RNF144B: variants seen among roughly 807,000 people sequenced by gnomAD.
RNF144B encodes the protein E3 ubiquitin-protein ligase RNF144B.
RNF144B carries 25 observed loss-of-function variants against 40.2 expected under a neutral mutation model. That is an observed-to-expected ratio of 0.62 (90% CI 0.45 to 0.87). RNF144B has a LOEUF of 0.87. RNF144B is among the 40% of genes least tolerant of loss of function. The pLI is 0.00. For missense variants in RNF144B, 365 were observed against 373.7 expected (o/e 0.98, Z 0.19); for synonymous variants, 145 against 136.3 (o/e 1.06, Z -0.44).
chr6:18,464,861 A>G lies in RNF144B; in HGVS notation c.772-66A>G, dbSNP rs1260026313. 1.7e-5 allele frequency: 26 copies of G among 1,488,470 alleles called. No homozygotes were observed. Among genetic ancestry groups the G allele is most frequent in the Non-Finnish European group, 2.1e-5 (23 of 1,072,414 alleles). The allele number at this position is 1,488,470 out of a possible 1,614,324, so 92.2% of individuals were successfully genotyped here. On this transcript the variant is annotated intron_variant, in intron 7 of 7. Coordinates refer to ENST00000259939, the MANE Select transcript of RNF144B (RefSeq NM_182757.4). This position sits in a 1 kb window ranked among gnomAD's most constrained non-coding sequence, Gnocchi z 6.1. ...TTTGGCCCACAGCAGATAACAGTAT[A>G]GTTGGAATAAGTATACATATTGAAA...
rs1795071300 is a variant in RNF144B at position 18,412,675 on chromosome 6, C to T, written c.165+12976C>T. ...CTAGAAAATTCAGTTTTTTAAAATC[C>T]CATTTTCTGTATATTTCAGTTCATT... On this transcript the variant is annotated intron_variant, in intron 2 of 7. Coordinates refer to ENST00000259939, the MANE Select transcript of RNF144B (RefSeq NM_182757.4). The surrounding 1 kb of genome is among the most constrained non-coding windows in gnomAD (Gnocchi z 4.2). Among the ~76,000 whole-genome samples the T allele has an allele frequency of 6.6e-6, 1 of 152,006 alleles. No homozygotes were observed. The highest frequency in any genetic ancestry group is 1.5e-5 in the Non-Finnish European group (1 of 68,008).
chr6:18,465,240 G>A lies in RNF144B; in HGVS notation c.*173G>A, dbSNP rs1562062352. The A allele has an allele frequency of 1.6e-6, 1 of 635,220 alleles. No homozygotes were observed. The highest frequency in any genetic ancestry group is 2.8e-6 in the Non-Finnish European group (1 of 361,484). The allele number at this position is 635,220 out of a possible 1,614,324, so 39.3% of individuals were successfully genotyped here. ...CATCAGGAAAGGCCAAGTCCTGGGT[G>A]TGAGTGTTCCTGTGTAACAAGAACT... On this transcript the variant is annotated 3_prime_UTR_variant, in exon 8 of 8. Coordinates refer to ENST00000259939, the MANE Select transcript of RNF144B (RefSeq NM_182757.4).
intron 2 of RNF144B, among the ~76,000 whole-genome samples, chr6:18,409,561 C>CTTTTTTT (rs70974741): frequency 3.2e-5 from 3 of 93,260 alleles, no homozygotes; most frequent in African/African-American, 4.1e-5. Flanking sequence ...CTTGCATAAC[C>CTTTTTTT]TTTTTTTTTT....
intron 2 of RNF144B, among the ~76,000 whole-genome samples, chr6:18,415,331 G>C (rs1425664776): frequency 6.6e-6 from 1 of 152,154 alleles, no homozygotes; most frequent in Non-Finnish European, 1.5e-5. Flanking sequence ...CTGAAGGCTG[G>C]AAAGTCCAAT....
chr6:18,444,139 C>CAGA lies in RNF144B; in HGVS notation c.331+4395_331+4396insAGA, dbSNP rs1759026928. On this transcript the variant is annotated intron_variant, in intron 4 of 7. Coordinates refer to ENST00000259939, the MANE Select transcript of RNF144B (RefSeq NM_182757.4). This position sits in a 1 kb window ranked among gnomAD's most constrained non-coding sequence, Gnocchi z 4.3. ...TATTTGCTCAGCTTGTCCTTTATGTCTTTAAGTCTGACGGAAAATATTTTG... is the reference window on the plus strand; with the variant it reads ...TATTTGCTCAGCTTGTCCTTTATGTCAGATTTAAGTCTGACGGAAAATATTTTG... Among the ~76,000 whole-genome samples, 1 of 152,158 alleles carries CAGA rather than the reference C, an allele frequency of 6.6e-6. No homozygotes were observed. Among genetic ancestry groups the CAGA allele is most frequent in the African/African-American group, 2.4e-5 (1 of 41,448 alleles).
chr6:18,424,528 A>T (rs1363125968), intron 2 of RNF144B, among the ~76,000 whole-genome samples: 1 of 152,176 alleles, frequency 6.6e-6, no homozygotes, highest in Non-Finnish European at 1.5e-5. Flanking sequence ...CGTGGGTCAT[A>T]TAATATTGTG....
intron 2 of RNF144B, among the ~76,000 whole-genome samples, chr6:18,420,640 G>A (rs1349755280): frequency 6.6e-6 from 1 of 152,024 alleles, no homozygotes; most frequent in Non-Finnish European, 1.5e-5. Context: ...TGGGGAGCGG[G>A]GGAGGTTGCA....
chr6:18,432,287 G>A (rs569828729), intron 3 of RNF144B, among the ~76,000 whole-genome samples: 1 of 152,302 alleles, frequency 6.6e-6, no homozygotes, highest in South Asian at 2.1e-4. Context: ...TGACTCTACT[G>A]TTCCCTTGTA....
Position 18,447,422 on chromosome 6 carries a change from T to C in RNF144B, c.331+7678T>C, listed in dbSNP as rs1292907419. Among the ~76,000 whole-genome samples, 4 of 152,100 alleles carry C rather than the reference T, an allele frequency of 2.6e-5. No homozygotes were observed. The highest frequency in any genetic ancestry group is 9.7e-5 in the African/African-American group (4 of 41,422). On this transcript the variant is annotated intron_variant, in intron 4 of 7. Coordinates refer to ENST00000259939, the MANE Select transcript of RNF144B (RefSeq NM_182757.4). This position sits in a 1 kb window ranked among gnomAD's most constrained non-coding sequence, Gnocchi z 5.6. ...AGTGTTAGTCAAGGGCCTGATCCCA[T>C]AGATTATGAAGATGAAGTCTTAGTG...
chr6:18,421,838 G>A (rs1458303615), intron 2 of RNF144B, among the ~76,000 whole-genome samples: 2 of 152,048 alleles, frequency 1.3e-5, no homozygotes, highest in Non-Finnish European at 1.5e-5. Context: ...AGGCAGGGAA[G>A]GCTTCTGGAA....
rs755614809 is a variant in RNF144B, at chr6:18,457,117, T to C, written c.332-38T>C. ...AAGGTGAGAAAGACTCAAACATGAA[T>C]CGGGCAGACCATCACATTTTCTTTC... On this transcript the variant is annotated intron_variant, in intron 4 of 7. Coordinates refer to ENST00000259939, the MANE Select transcript of RNF144B (RefSeq NM_182757.4). This position sits in a 1 kb window ranked among gnomAD's most constrained non-coding sequence, Gnocchi z 5.1. 1.4e-6 allele frequency: 2 copies of C among 1,445,042 alleles called. No homozygotes were observed. Among genetic ancestry groups the C allele is most frequent in the Non-Finnish European group, 1.9e-6 (2 of 1,027,228 alleles). 89.5% of individuals were successfully genotyped at this position (1,445,042 alleles called of 1,614,324 possible). A position where few individuals can be genotyped will look rare whatever the true frequency, so the allele number is the denominator to read the frequency against.
In RNF144B at chr6:18,416,167, A is replaced by T. The variant is rs1795145827; in HGVS notation, c.166-11414A>T. ...ACTTTTCTGAGCATACTGTGTCATAAGATAGCACCTGGGCCAGAGGGATCT... is the reference window on the plus strand; with the variant it reads ...ACTTTTCTGAGCATACTGTGTCATATGATAGCACCTGGGCCAGAGGGATCT... On this transcript the variant is annotated intron_variant, in intron 2 of 7. Transcript: ENST00000259939. The surrounding 1 kb of genome is among the most constrained non-coding windows in gnomAD (Gnocchi z 5.5). Among the ~76,000 whole-genome samples the T allele has an allele frequency of 6.6e-6, 1 of 152,206 alleles. No homozygotes were observed. The highest frequency in any genetic ancestry group is 6.5e-5 in the Admixed American group (1 of 15,274).
chr6:18,452,716 CAA>C (rs1345837219), intron 4 of RNF144B, among the ~76,000 whole-genome samples: 2 of 152,002 alleles, frequency 1.3e-5, no homozygotes, highest in Non-Finnish European at 1.5e-5. Flanking sequence ...TGCCTTTACT[CAA>C]GAGTAACTGT....
At chr6:18,415,641 T>C (rs982712247) in intron 2 of RNF144B, among the ~76,000 whole-genome samples, 1 of 152,200 alleles carries the variant, frequency 6.6e-6, no homozygotes, top group Non-Finnish European at 1.5e-5. Context: ...TTTTGCTTGC[T>C]TTATCACATA....
Position 18,406,181 on chromosome 6 carries a change from A to G in RNF144B, c.165+6482A>G. On this transcript the variant is annotated intron_variant, in intron 2 of 7. Coordinates refer to ENST00000259939, the MANE Select transcript of RNF144B (RefSeq NM_182757.4). The surrounding 1 kb of genome is among the most constrained non-coding windows in gnomAD (Gnocchi z 4.2). Reference sequence around the variant, plus strand: ...GTATGAGACATAGATGCTAACAAGTAAATACAGAAGTCAGGTGATGGTTTG... The same window carrying G: ...GTATGAGACATAGATGCTAACAAGTGAATACAGAAGTCAGGTGATGGTTTG... 1 of 518,800 alleles carries G rather than the reference A, an allele frequency of 1.9e-6. No homozygotes were observed. The highest frequency in any genetic ancestry group is 1.4e-5 in the South Asian group (1 of 71,546). The allele number at this position is 518,800 out of a possible 1,614,324, so 32.1% of individuals were successfully genotyped here. A position where few individuals can be genotyped will look rare whatever the true frequency, so the allele number is the denominator to read the frequency against.
At chr6:18,439,013 T>A (rs1758888682) in intron 3 of RNF144B, among the ~76,000 whole-genome samples, 1 of 152,204 alleles carries the variant, frequency 6.6e-6, no homozygotes, top group Non-Finnish European at 1.5e-5. Context: ...TAATTTGAAA[T>A]GTCATTCAGT....
chr6:18,461,071 A>G (rs1759442868), intron 6 of RNF144B, among the ~76,000 whole-genome samples: 2 of 152,184 alleles, frequency 1.3e-5, no homozygotes, highest in African/African-American at 2.4e-5. Context: ...TGCAGTTAGC[A>G]TGTAATGTCA....
chr6:18,465,147 C>T lies in RNF144B; in HGVS notation c.*80C>T, dbSNP rs1759550217. The T allele has an allele frequency of 7.6e-6, 11 of 1,444,856 alleles. No individual in the cohort carries two copies. In the South Asian group the frequency reaches 1.3e-4, roughly 17 times the overall value. The allele number at this position is 1,444,856 out of a possible 1,614,324, so 89.5% of individuals were successfully genotyped here. ...ATAAAGCCCCATTTAGTGACCTTGCCTCCTTCTCCTTGCCAACTTTGAAAG... is the reference window on the plus strand; with the variant it reads ...ATAAAGCCCCATTTAGTGACCTTGCTTCCTTCTCCTTGCCAACTTTGAAAG... On this transcript the variant is annotated 3_prime_UTR_variant, in exon 8 of 8. Coordinates refer to ENST00000259939, the MANE Select transcript of RNF144B (RefSeq NM_182757.4).
rs765232972 is a variant in RNF144B at position 18,406,097 on chromosome 6, T to C, written c.165+6398T>C. 5.8e-6 allele frequency: 3 copies of C among 518,814 alleles called. No homozygotes were observed. The highest frequency in any genetic ancestry group is 1.9e-5 in the African/African-American group (1 of 51,938). The allele number at this position is 518,814 out of a possible 1,614,324, so 32.1% of individuals were successfully genotyped here. A position where few individuals can be genotyped will look rare whatever the true frequency, so the allele number is the denominator to read the frequency against. ...GCTGTGTCTTGCATAGTTCTGATGGTTTGAATATAGTGGTGAACGATCAGA... is the reference window on the plus strand; with the variant it reads ...GCTGTGTCTTGCATAGTTCTGATGGCTTGAATATAGTGGTGAACGATCAGA... On this transcript the variant is annotated intron_variant, in intron 2 of 7. Transcript: ENST00000259939. This position sits in a 1 kb window ranked among gnomAD's most constrained non-coding sequence, Gnocchi z 4.2.
Sources: gnomAD v4.1 joint callset for allele counts (sites outside exome capture counted in the v4.1 genomes callset) on GRCh38, gnomAD v4.1.1 for gene constraint, Gnocchi (gnomAD v3.1) non-coding constraint, MANE v1.5 for transcripts, NCBI Gene and HGNC (gene_info 2026-07-23, HGNC 2026-07-21) for gene names.